Variants in CARMIL1 observed in about 807,000 individuals in gnomAD.
CARMIL1 encodes the protein capping protein regulator and myosin 1 linker 1.
In CARMIL1, 90 loss-of-function variants were observed where a neutral mutation model predicts 177.1. That is an observed-to-expected ratio of 0.51 (90% CI 0.43 to 0.61). The LOEUF is 0.61. CARMIL1 is among the 20% of genes least tolerant of loss of function. The probability of loss-of-function intolerance (pLI) is 0.00; values close to 1 mark genes in which losing one functional copy is unlikely to be tolerated. For synonymous variants in CARMIL1, 577 were observed against 606.2 expected (o/e 0.95, Z 0.71); for missense variants, 1,380 against 1,667.0 (o/e 0.83, Z 3.00).
intron 2 of CARMIL1, among the ~76,000 whole-genome samples, chr6:25,307,421 C>T (rs1171117171): frequency 6.6e-6 from 1 of 152,146 alleles, no homozygotes; most frequent in Non-Finnish European, 1.5e-5. Context: ...AGTTCTCCAT[C>T]TTTGTCCACC....
In CARMIL1 at chr6:25,495,127, C is replaced by T. The variant is rs1803576707; in HGVS notation, c.1237C>T (p.Pro413Ser). Reference sequence around the variant, plus strand: ...TTTTTTCAGGAAAGGAAAAGAAGTACCTCCATCTTTCAAGCAATTTTTTAG... The same window carrying T: ...TTTTTTCAGGAAAGGAAAAGAAGTATCTCCATCTTTCAAGCAATTTTTTAG... Reference protein sequence around the residue: ...VFSHRKGKEVPPSFKQFFSSS... With the variant: ...VFSHRKGKEVSPSFKQFFSSS... The change falls in exon 16 of 37, where the codon CCT becomes TCT. Residue 413 changes from proline to serine, a missense_variant. Physicochemically the swap from Pro to Ser is moderately conservative, Grantham distance 74. Coordinates refer to ENST00000329474, the MANE Select transcript of CARMIL1 (RefSeq NM_017640.6). 6.2e-7 allele frequency: 1 copy of T among 1,610,066 alleles called. No individual in the cohort carries two copies. The highest frequency in any genetic ancestry group is 8.5e-7 in the Non-Finnish European group (1 of 1,177,206).
intron 2 of CARMIL1, among the ~76,000 whole-genome samples, chr6:25,349,777 G>A (rs1221264988): frequency 4.1e-5 from 6 of 145,190 alleles, no homozygotes; most frequent in African/African-American, 1.6e-4. Flanking sequence ...TGGCCAGGCT[G>A]GAGTACAGTG....
intron 12 of CARMIL1, among the ~76,000 whole-genome samples, chr6:25,483,120 G>T (rs1021369743): frequency 2.6e-5 from 4 of 152,098 alleles, no homozygotes; most frequent in Non-Finnish European, 5.9e-5. Flanking sequence ...TAACATTATT[G>T]CATAAATATT....
In CARMIL1 at chr6:25,537,889, A is replaced by G; in HGVS notation, c.2102A>G (p.His701Arg). 6.2e-7 allele frequency: 1 copy of G among 1,610,492 alleles called. No individual in the cohort carries two copies. The highest frequency in any genetic ancestry group is 8.5e-7 in the Non-Finnish European group (1 of 1,178,502). Residue 701 changes from histidine to arginine, a missense_variant, in exon 25 of 37, where the codon CAT becomes CGT. His to Arg is a conservative substitution (Grantham distance 29). Coordinates refer to ENST00000329474, the MANE Select transcript of CARMIL1 (RefSeq NM_017640.6). ...AGAATATGTGTGAAAGTACAAGATC[A>G]TCTCAACTCCTTACGAAATTGTGGG... ...IDRICVKVQD[H>R]LNSLRNCGGD...
intron 8 of CARMIL1, among the ~76,000 whole-genome samples, chr6:25,459,272 T>TCTTTTTCTTTCTTTCTTTCTTTCTTTC (rs1477339182): frequency 2.2e-5 from 3 of 134,888 alleles, no homozygotes; most frequent in South Asian, 2.5e-4. Context: ...CTTTCTTTTT[T>TCTTTTTCTTTCTTTCTTTCTTTCTTTC]TTTTTTTTAA....
chr6:25,524,677 T>C (rs1337478794), intron 23 of CARMIL1, among the ~76,000 whole-genome samples: 1 of 152,150 alleles, frequency 6.6e-6, no homozygotes, highest in African/African-American at 2.4e-5. Flanking sequence ...TTTGGAATTA[T>C]CAGAGCCCTT....
chr6:25,490,603 C>T (rs975982354), intron 13 of CARMIL1, among the ~76,000 whole-genome samples: 1 of 152,022 alleles, frequency 6.6e-6, no homozygotes, highest in South Asian at 2.1e-4. Flanking sequence ...GAGGTTGAAG[C>T]GGGAGGATGG....
chr6:25,455,784 G>A (rs965965654), intron 8 of CARMIL1, among the ~76,000 whole-genome samples: 1 of 152,156 alleles, frequency 6.6e-6, no homozygotes, highest in Non-Finnish European at 1.5e-5. Flanking sequence ...TCAAAGCCGG[G>A]GATTTTAGTC....
intron 16 of CARMIL1, 94 bp downstream of exon 16, chr6:25,495,309 G>A: frequency 1.3e-6 from 1 of 792,988 alleles, no homozygotes; most frequent in Admixed American, 3.2e-5. Context: ...ATAATCCAAA[G>A]ACAAAAACCA....
At chr6:25,534,841 A>G (rs1027636988) in intron 24 of CARMIL1, among the ~76,000 whole-genome samples, 2 of 152,220 alleles carry the variant, frequency 1.3e-5, no homozygotes, top group African/African-American at 4.8e-5. Flanking sequence ...CCAGGTGTCC[A>G]GTTTATTTCT....
At chr6:25,356,349 G>A (rs890460647) in intron 2 of CARMIL1, among the ~76,000 whole-genome samples, 5 of 152,192 alleles carry the variant, frequency 3.3e-5, no homozygotes, top group Admixed American at 6.5e-5. Flanking sequence ...GAGCCACCGC[G>A]CCCGGTCCTC....
intron 2 of CARMIL1, among the ~76,000 whole-genome samples, chr6:25,406,940 T>C (rs1204806815): frequency 7.2e-6 from 1 of 139,684 alleles, no homozygotes; most frequent in Non-Finnish European, 1.6e-5. Flanking sequence ...GGAATGGGGA[T>C]TGGACATGTG....
chr6:25,498,066 G>A lies in CARMIL1; in HGVS notation c.1326-2100G>A, dbSNP rs546325791. Among the ~76,000 whole-genome samples, 8 of 152,092 alleles carry A rather than the reference G, an allele frequency of 5.3e-5. No individual in the cohort carries two copies. In the East Asian group the frequency reaches 9.6e-4, roughly 18 times the overall value. On this transcript the variant is annotated intron_variant, in intron 16 of 36. Coordinates refer to ENST00000329474, the MANE Select transcript of CARMIL1 (RefSeq NM_017640.6). ...ACTCAGAGTGCAGTGTGAGTTCCTG[G>A]TTACTGCTCATTCTTGGTCTTTCAT...
At position 25,434,265 on chromosome 6, in the gene CARMIL1, C is replaced by T. The variant is rs185925918; in HGVS notation, c.250-1218C>T. ...TTATTTTTAGGTAGTTGAAGTTCTT[C>T]TTATTTGTAATGTGTACATCTTCAG... On this transcript the variant is annotated intron_variant, in intron 4 of 36. Transcript: ENST00000329474. 3.1e-3 allele frequency among the ~76,000 whole-genome samples: 475 copies of T among 152,216 alleles called. 2 individuals carry two copies. Among genetic ancestry groups the T allele is most frequent in the African/African-American group, 0.011 (443 of 41,538 alleles).
intron 2 of CARMIL1, among the ~76,000 whole-genome samples, chr6:25,364,837 T>G (rs1411364085): frequency 6.6e-6 from 1 of 152,116 alleles, no homozygotes; most frequent in Admixed American, 6.5e-5. Flanking sequence ...AGTGCTGGGG[T>G]GAATTCCTTT....
intron 5 of CARMIL1, among the ~76,000 whole-genome samples, chr6:25,437,927 C>G (rs1028760593): frequency 2.0e-5 from 3 of 152,196 alleles, no homozygotes; most frequent in Non-Finnish European, 4.4e-5. Flanking sequence ...TCTTCTCTTG[C>G]AAGTGATCCT....
intron 12 of CARMIL1, among the ~76,000 whole-genome samples, chr6:25,485,303 C>A (rs1377353487): frequency 6.6e-6 from 1 of 152,116 alleles, no homozygotes; most frequent in African/African-American, 2.4e-5. Context: ...TGCCTGTACC[C>A]TTTACAAATA....
chr6:25,540,654 A>G (rs867634779), intron 26 of CARMIL1, among the ~76,000 whole-genome samples: 29 of 152,198 alleles, frequency 1.9e-4, no homozygotes, highest in Admixed American at 1.8e-3. Context: ...ACTTTTGCTT[A>G]AAGTAACTTC....
At chr6:25,372,374 G>A (rs572895632) in intron 2 of CARMIL1, among the ~76,000 whole-genome samples, 8 of 152,066 alleles carry the variant, frequency 5.3e-5, no homozygotes, top group Non-Finnish European at 1.0e-4. Flanking sequence ...TCCAATTCAT[G>A]AGGATGGGAT....
Sources: allele counts gnomAD v4.1 joint callset (sites outside exome capture counted in the v4.1 genomes callset), GRCh38; gene constraint gnomAD v4.1.1; transcripts MANE v1.5; gene names NCBI Gene and HGNC (gene_info 2026-07-23, HGNC 2026-07-21).